BEND7: variants seen among roughly 807,000 people sequenced by gnomAD.
BEND7 encodes the protein BEN domain containing 7.
Under a neutral mutation model 50.9 loss-of-function variants are expected in BEND7, and 28 were observed. That is an observed-to-expected ratio of 0.55 (90% CI 0.41 to 0.75). BEND7 has a LOEUF of 0.75. BEND7 is among the 30% of genes least tolerant of loss of function. The pLI, the probability that BEND7 is intolerant of heterozygous loss-of-function variation, is 0.00. For missense variants in BEND7, 477 were observed against 491.3 expected, an observed-to-expected ratio of 0.97 and a Z score of 0.28; for synonymous variants, 170 against 183.9, an observed-to-expected ratio of 0.92 and a Z score of 0.61.
chr10:13,456,968 T>C (rs1179648644), intron 6 of BEND7, among the ~76,000 whole-genome samples: 1 of 152,224 alleles, frequency 6.6e-6, no homozygotes, highest in African/African-American at 2.4e-5. Context: ...CAAAAGGTTC[T>C]TGAAGTCCTG....
rs531801673 is a variant in BEND7, at chr10:13,479,004, T to C, written c.1063+1895A>G. 2.1e-3 allele frequency among the ~76,000 whole-genome samples: 271 copies of C among 130,682 alleles called. 1 individual carries two copies. The highest frequency in any genetic ancestry group is 2.5e-3 in the Non-Finnish European group (158 of 62,192). 85.7% of individuals were successfully genotyped at this position (130,682 alleles called of 152,430 possible). A position where few individuals can be genotyped will look rare whatever the true frequency, so the allele number is the denominator to read the frequency against. On this transcript the variant is annotated intron_variant, in intron 6 of 8. Coordinates refer to ENST00000466271, the MANE Select transcript of BEND7 (RefSeq NM_001369863.1). Reference sequence around the variant, plus strand: ...GAAGATGTGTCCTCTATTTGTAATATACTTTTTTTTTTTTTTTTTTGAGAC... The same window carrying C: ...GAAGATGTGTCCTCTATTTGTAATACACTTTTTTTTTTTTTTTTTTGAGAC...
At position 13,465,705 on chromosome 10, in the gene BEND7, C is replaced by CT. The variant is rs955475049; in HGVS notation, c.1064-13048dup. Among the ~76,000 whole-genome samples the CT allele has an allele frequency of 2.0e-3, 303 of 150,466 alleles. 2 individuals are homozygous for CT. Among genetic ancestry groups the CT allele is most frequent in the South Asian group, 4.2e-3 (20 of 4,740 alleles). On this transcript the variant is annotated intron_variant, in intron 6 of 8. Coordinates refer to ENST00000466271, the MANE Select transcript of BEND7 (RefSeq NM_001369863.1). Reference sequence around the variant, plus strand: ...GACTTTAAAAGTTAGTCAAGCCACACTTTTTTTTTTCCTAGAGAAAGTGAT... The same window carrying CT: ...GACTTTAAAAGTTAGTCAAGCCACACTTTTTTTTTTTCCTAGAGAAAGTGAT...
chr10:13,510,360 G>A (rs1270936591), intron 2 of BEND7, among the ~76,000 whole-genome samples: 1 of 152,140 alleles, frequency 6.6e-6, no homozygotes, highest in Non-Finnish European at 1.5e-5. Context: ...CTGTTGGTAG[G>A]GATGTAATTT....
rs915618140 is a variant in BEND7, at chr10:13,526,211, G to A, written c.72C>T (p.His24=). ...SFKLVSRDYH[H]EVYKIPEFSN... ...TGAATTCTGGGATCTTATACACCTC[G>A]TGGTGATAATCTGGCATGAGAAAAC... The change falls in exon 2 of 9, where the codon CAC becomes CAT. Residue 24 remains histidine, a synonymous_variant. Coordinates refer to ENST00000466271, the MANE Select transcript of BEND7 (RefSeq NM_001369863.1). 45 of 1,288,170 alleles carry A rather than the reference G, an allele frequency of 3.5e-5. No homozygotes were observed. Among genetic ancestry groups the A allele is most frequent in the Middle Eastern group, 2.1e-4 (1 of 4,716 alleles). The allele number at this position is 1,288,170 out of a possible 1,614,324, so 79.8% of individuals were successfully genotyped here.
At chr10:13,451,879 T>C (rs919584787) in intron 7 of BEND7, among the ~76,000 whole-genome samples, 2 of 151,600 alleles carry the variant, frequency 1.3e-5, no homozygotes, top group African/African-American at 4.8e-5. Context: ...GTTATTCTTA[T>C]TTGATGGGAG....
chr10:13,517,050 AG>A lies in BEND7; in HGVS notation c.145+9087del, dbSNP rs1481466190. On this transcript the variant is annotated intron_variant, in intron 2 of 8. Transcript: ENST00000466271. ...TTAAGCAAGCATTTGTTGCCCTATTAGGGTTTTCTGGTGGCTTTTTTTTTTT... is the reference window on the plus strand; with the variant it reads ...TTAAGCAAGCATTTGTTGCCCTATTAGGTTTTCTGGTGGCTTTTTTTTTTT... Among the ~76,000 whole-genome samples, 4 of 147,122 alleles carry A rather than the reference AG, an allele frequency of 2.7e-5. No homozygotes were observed. In the Admixed American group the frequency reaches 2.7e-4, roughly 10 times the overall value.
At chr10:13,456,731 T>C (rs1280232997) in intron 6 of BEND7, among the ~76,000 whole-genome samples, 2 of 152,224 alleles carry the variant, frequency 1.3e-5, no homozygotes, top group Non-Finnish European at 2.9e-5. Context: ...AAGCACCTAC[T>C]ATAGTGCATT....
At chr10:13,509,755 C>T (rs1318450090) in intron 2 of BEND7, among the ~76,000 whole-genome samples, 3 of 152,088 alleles carry the variant, frequency 2.0e-5, no homozygotes, top group Admixed American at 6.6e-5. Flanking sequence ...TGGGCAATGG[C>T]GAATCAGCGA....
intron 8 of BEND7, chr10:13,447,019 G>C (rs1393972615): frequency 3.7e-6 from 2 of 536,518 alleles, no homozygotes; most frequent in East Asian, 3.3e-5. Context: ...ATGATACTTA[G>C]TTCTTAGGAT....
chr10:13,506,759 G>A (rs577487394), intron 2 of BEND7, among the ~76,000 whole-genome samples: 3 of 134,348 alleles, frequency 2.2e-5, no homozygotes, highest in African/African-American at 4.9e-5. Context: ...GAAATGGAGC[G>A]AGATGGAGAG....
chr10:13,496,906 G>C lies in BEND7; in HGVS notation c.449-18C>G. On this transcript the variant is annotated intron_variant, in intron 3 of 8. Transcript: ENST00000466271. ...AAGTTCTCCTGAGCATGAAAGAAAA[G>C]AATGACATACTCCAAACAAACCAAA... The C allele has an allele frequency of 5.2e-6, 6 of 1,160,946 alleles. No homozygotes were observed. The highest frequency in any genetic ancestry group is 6.7e-6 in the Non-Finnish European group (6 of 899,784). The allele number at this position is 1,160,946 out of a possible 1,614,324, so 71.9% of individuals were successfully genotyped here.
Position 13,492,781 on chromosome 10 carries a change from G to A in BEND7, c.667C>T (p.Pro223Ser), listed in dbSNP as rs148717369. 32 of 1,609,034 alleles carry A rather than the reference G, an allele frequency of 2.0e-5. No homozygotes were observed. The highest frequency in any genetic ancestry group is 2.6e-5 in the Non-Finnish European group (31 of 1,178,988). Residue 223 changes from proline (P) to serine (S), a missense_variant, in exon 5 of 9, where the codon CCA (proline) becomes TCA (serine). This residue lies in a region of BEND7 where 396 missense variants were observed against 384.2 expected (regional missense o/e 1.03). Transcript: ENST00000466271. ...ACAGTAAGAGGTTCCACAGTCTTTG[G>A]GGGCACTTTTTTCTTTTTATTTCTC... ...RKRNKKKKVP[P>S]KTVEPLTVKQ...
rs532779891 is a variant in BEND7 at position 13,448,807 on chromosome 10, C to G, written c.1184-1491G>C. 3.3e-5 allele frequency among the ~76,000 whole-genome samples: 5 copies of G among 152,138 alleles called. No homozygotes were observed. In the East Asian group the frequency reaches 9.7e-4, roughly 29 times the overall value. On this transcript the variant is annotated intron_variant, in intron 7 of 8. Coordinates refer to ENST00000466271, the MANE Select transcript of BEND7 (RefSeq NM_001369863.1). ...TGGCTAACACAGTAAAACCCCGTCT[C>G]TACTAAAAATACAGAAAATTAGCCA...
intron 6 of BEND7, among the ~76,000 whole-genome samples, chr10:13,459,236 G>T (rs1009613920): frequency 1.3e-5 from 2 of 152,162 alleles, no homozygotes; most frequent in East Asian, 3.9e-4. Flanking sequence ...AGAGGAACAG[G>T]GCAGGGGCTG....
At chr10:13,455,480 G>A (rs1838745243) in intron 6 of BEND7, among the ~76,000 whole-genome samples, 1 of 152,142 alleles carries the variant, frequency 6.6e-6, no homozygotes, top group Admixed American at 6.5e-5. Flanking sequence ...GTGAGGGCTG[G>A]GGAGGGTGGC....
intron 2 of BEND7, among the ~76,000 whole-genome samples, chr10:13,516,029 C>T (rs2078646045): frequency 6.6e-6 from 1 of 152,248 alleles, no homozygotes; most frequent in African/African-American, 2.4e-5. Context: ...TCGTCTCACT[C>T]TGATCTACTG....
intron 2 of BEND7, among the ~76,000 whole-genome samples, chr10:13,503,131 C>T (rs2077601583): frequency 6.6e-6 from 1 of 152,146 alleles, no homozygotes; most frequent in Non-Finnish European, 1.5e-5. Context: ...TTTTGCATAA[C>T]TTTGTATTTT....
chr10:13,474,215 C>T (rs556545653), intron 6 of BEND7, among the ~76,000 whole-genome samples: 33 of 151,160 alleles, frequency 2.2e-4, no homozygotes, highest in African/African-American at 7.3e-4. Flanking sequence ...GACTCGGGGC[C>T]GACATCCGTC....
intron 6 of BEND7, among the ~76,000 whole-genome samples, chr10:13,471,911 T>C (rs530848644): frequency 3.3e-5 from 5 of 152,342 alleles, no homozygotes; most frequent in South Asian, 2.1e-4. Flanking sequence ...TTGAGGCCGA[T>C]ACCCGTCATC....
Sources: allele counts gnomAD v4.1 joint callset (sites outside exome capture counted in the v4.1 genomes callset), GRCh38; gene constraint gnomAD v4.1.1; regional missense constraint gnomAD v4.1.1; transcripts MANE v1.5; gene names NCBI Gene and HGNC (gene_info 2026-07-23, HGNC 2026-07-21).